OCLN: variants seen among roughly 807,000 people sequenced by gnomAD.
The protein encoded by OCLN is phosphatase 1, regulatory subunit 115.
A neutral mutation model predicts 47.9 loss-of-function variants in OCLN; 21 were observed. That is an observed-to-expected ratio of 0.44 (90% CI 0.31 to 0.63). The LOEUF (loss-of-function observed/expected upper bound fraction) is 0.63. OCLN is among the 30% of genes least tolerant of loss of function. OCLN has a pLI of 0.08. For synonymous variants in OCLN, 117 were observed against 198.4 expected (o/e 0.59, Z 3.45); for missense variants, 360 against 571.0 (o/e 0.63, Z 3.77).
chr5:69,508,183 C>T (rs1370231215), intron 2 of OCLN, among the ~76,000 whole-genome samples: 1 of 152,038 alleles, frequency 6.6e-6, no homozygotes, highest in East Asian at 1.9e-4. Context: ...AGTGGGATTA[C>T]AGGCATGTGT....
At position 69,557,349 on chromosome 5, in the gene OCLN, T is replaced by C. The variant is rs1197618817; in HGVS notation, c.*3678T>C. Reference sequence around the variant, plus strand: ...TTTTTGTATTTGTAAAATATATTTGTAATAATCTCATAGTTAAGAAGGTAG... The same window carrying C: ...TTTTTGTATTTGTAAAATATATTTGCAATAATCTCATAGTTAAGAAGGTAG... On this transcript the variant is annotated 3_prime_UTR_variant, in exon 9 of 9. Coordinates refer to ENST00000396442, the MANE Select transcript of OCLN (RefSeq NM_001205254.2). 1 of 84,870 alleles carries C rather than the reference T, an allele frequency of 1.2e-5. No individual in the cohort carries two copies. The highest frequency in any genetic ancestry group is 2.8e-5 in the African/African-American group (1 of 36,304). The allele number at this position is 84,870 out of a possible 1,614,324, so 5.3% of individuals were successfully genotyped here.
chr5:69,514,862 A>C (rs1050712816), intron 4 of OCLN, among the ~76,000 whole-genome samples: 1 of 152,218 alleles, frequency 6.6e-6, no homozygotes, highest in Non-Finnish European at 1.5e-5. Context: ...GATCAACAGG[A>C]TCACAAGGCA....
rs570982287 is a variant in OCLN at position 69,532,603 on chromosome 5, G to A, written c.892-2091G>A. 2.0e-5 allele frequency among the ~76,000 whole-genome samples: 3 copies of A among 152,014 alleles called. No homozygotes were observed. The South Asian group carries it at 6.2e-4, about 32-fold the overall frequency. On this transcript the variant is annotated intron_variant, in intron 4 of 8. Coordinates refer to ENST00000396442, the MANE Select transcript of OCLN (RefSeq NM_001205254.2). ...TTTCCAATTTTTTTTCTCAATTACA[G>A]AGTGATATGTAATAATTTAAAGGCT...
At chr5:69,496,561 C>CTTTTTTTTTTTTT in intron 1 of OCLN, among the ~76,000 whole-genome samples, 1 of 122,780 alleles carries the variant, frequency 8.1e-6, no homozygotes, top group African/African-American at 3.2e-5. Context: ...TTTTTTTATA[C>CTTTTTTTTTTTTT]TTTTTTTTTT....
intron 4 of OCLN, among the ~76,000 whole-genome samples, chr5:69,516,526 GGGGAGA>G (rs1475882528): frequency 6.6e-6 from 1 of 152,020 alleles, no homozygotes; most frequent in Non-Finnish European, 1.5e-5. Flanking sequence ...GAGGGAGAGG[GGGGAGA>G]GGGAGAGGGC....
chr5:69,554,462 T>C lies in OCLN; in HGVS notation c.*791T>C, dbSNP rs1408266132. On this transcript the variant is annotated 3_prime_UTR_variant, in exon 9 of 9. Coordinates refer to ENST00000396442, the MANE Select transcript of OCLN (RefSeq NM_001205254.2). Reference sequence around the variant, plus strand: ...ACTAGAACTTTTCATTATATCAGAATATCTGATTACATTTATAATTCAATT... The same window carrying C: ...ACTAGAACTTTTCATTATATCAGAACATCTGATTACATTTATAATTCAATT... 2 of 152,096 alleles carry C rather than the reference T, an allele frequency of 1.3e-5. No homozygotes were observed. The highest frequency in any genetic ancestry group is 4.8e-5 in the African/African-American group (2 of 41,386). The allele number at this position is 152,096 out of a possible 1,614,324, so 9.4% of individuals were successfully genotyped here.
chr5:69,528,523 C>G (rs1769343524), intron 4 of OCLN, among the ~76,000 whole-genome samples: 1 of 152,160 alleles, frequency 6.6e-6, no homozygotes, highest in Admixed American at 6.5e-5. Flanking sequence ...AGAATGGTCT[C>G]CTTTGTTACA....
intron 2 of OCLN, among the ~76,000 whole-genome samples, chr5:69,508,175 T>C (rs1050994523): frequency 6.6e-6 from 1 of 151,944 alleles, no homozygotes; most frequent in Non-Finnish European, 1.5e-5. Context: ...CCCAAGTAAG[T>C]GGGATTACAG....
chr5:69,503,122 GGTA>G (rs559577967), intron 1 of OCLN, among the ~76,000 whole-genome samples: 111 of 152,204 alleles, frequency 7.3e-4, no homozygotes, highest in African/African-American at 2.6e-3. Context: ...CCAGCACGTC[GGTA>G]GGTGTCTGAT....
chr5:69,514,592 T>C (rs1768876507), intron 4 of OCLN, among the ~76,000 whole-genome samples: 1 of 151,906 alleles, frequency 6.6e-6, no homozygotes, highest in South Asian at 2.1e-4. Context: ...GGCAGGGTCA[T>C]AGGACAATAG....
At chr5:69,521,030 T>C (rs997266441) in intron 4 of OCLN, among the ~76,000 whole-genome samples, 2 of 151,982 alleles carry the variant, frequency 1.3e-5, no homozygotes, top group Admixed American at 1.3e-4. Context: ...GTACTTTTAG[T>C]AGAGATGGGG....
At chr5:69,533,588 T>C (rs967991774) in intron 4 of OCLN, among the ~76,000 whole-genome samples, 140 of 152,178 alleles carry the variant, frequency 9.2e-4, no homozygotes, top group African/African-American at 3.2e-3. Context: ...TCTCCGGGCC[T>C]GATAGCTTTT....
chr5:69,516,158 G>A (rs905090555), intron 4 of OCLN, among the ~76,000 whole-genome samples: 2 of 151,770 alleles, frequency 1.3e-5, no homozygotes, highest in African/African-American at 4.8e-5. Context: ...CTGGGAGGTG[G>A]AGGTTGTAGC....
chr5:69,500,416 T>TC (rs1561329842), intron 1 of OCLN, among the ~76,000 whole-genome samples: 1 of 151,658 alleles, frequency 6.6e-6, no homozygotes. Context: ...TTTTTTTTTT[T>TC]TGAGACGGAG....
rs889674388 is a variant in OCLN at position 69,509,481 on chromosome 5, T to C, written c.391T>C (p.Tyr131His). 2 of 1,614,194 alleles carry C rather than the reference T, an allele frequency of 1.2e-6. No individual in the cohort carries two copies. Among genetic ancestry groups the C allele is most frequent in the Non-Finnish European group, 1.7e-6 (2 of 1,180,016 alleles). Reference protein sequence around the residue: ...GYGYGYGYGGYTDPRAAKGFM... With the variant: ...GYGYGYGYGGHTDPRAAKGFM... ...TGGTTATGGCTATGGCTACGGAGGCTATACAGACCCAAGAGCAGCAAAGGG... is the reference window on the plus strand; with the variant it reads ...TGGTTATGGCTATGGCTACGGAGGCCATACAGACCCAAGAGCAGCAAAGGG... Residue 131 changes from tyrosine to histidine, a missense_variant, in exon 3 of 9, where the codon TAT becomes CAT. Transcript: ENST00000396442.
intron 4 of OCLN, among the ~76,000 whole-genome samples, chr5:69,518,873 A>C (rs1046382670): frequency 2.6e-5 from 4 of 152,186 alleles, no homozygotes; most frequent in Non-Finnish European, 5.9e-5. Context: ...GGAAAAGAAA[A>C]ACTCATGTCT....
intron 1 of OCLN, among the ~76,000 whole-genome samples, chr5:69,500,480 G>A (rs1366497212): frequency 1.3e-5 from 2 of 150,150 alleles, no homozygotes; most frequent in Admixed American, 6.7e-5. Context: ...GGCTCACTGC[G>A]AACTCCGCCT....
intron 4 of OCLN, among the ~76,000 whole-genome samples, chr5:69,525,844 T>C (rs1325531108): frequency 2.0e-5 from 3 of 152,150 alleles, no homozygotes; most frequent in East Asian, 1.9e-4. Flanking sequence ...GTTGATGGTA[T>C]GATAGAGGTC....
chr5:69,552,192 AT>A (rs1445988868), intron 8 of OCLN, among the ~76,000 whole-genome samples: 2 of 876 alleles, frequency 2.3e-3, no homozygotes, highest in African/African-American at 5.5e-3. Context: ...TGCCTGGCTA[AT>A]TTTTGTATTT....
Sources: gnomAD v4.1 joint callset for allele counts (sites outside exome capture counted in the v4.1 genomes callset) on GRCh38, gnomAD v4.1.1 for gene constraint, MANE v1.5 for transcripts, NCBI Gene and HGNC (gene_info 2026-07-23, HGNC 2026-07-21) for gene names.